Variants in HTN3 observed in about 807,000 individuals in gnomAD.
HTN3 encodes the protein histatin 3.
A neutral mutation model predicts 10.6 loss-of-function variants in HTN3; 15 were observed. The observed-to-expected ratio is 1.42, with a 90% CI of 0.95 to 2.18. HTN3 has a LOEUF of 2.18. HTN3 is among the 30% of genes most tolerant of loss of function. The pLI is 0.00. For synonymous variants in HTN3, 15 were observed against 16.9 expected (o/e 0.89, Z 0.27); for missense variants, 68 against 58.0 (o/e 1.17, Z -0.56).
chr4:70,035,767 AAG>A (rs1186764396), intron 5 of HTN3, among the ~76,000 whole-genome samples: 1 of 152,224 alleles, frequency 6.6e-6, no homozygotes, highest in Non-Finnish European at 1.5e-5. Context: ...TTGGAGATAA[AAG>A]AGTACTGTTC....
In HTN3 at chr4:70,032,077, G is replaced by A. The variant is rs777827633; in HGVS notation, c.73-1G>A. 20 of 1,532,712 alleles carry A rather than the reference G, an allele frequency of 1.3e-5. No homozygotes were observed. Among genetic ancestry groups the A allele is most frequent in the Middle Eastern group, 2.2e-4 (1 of 4,454 alleles). 94.9% of individuals were successfully genotyped at this position (1,532,712 alleles called of 1,614,324 possible). On this transcript the variant is annotated splice_acceptor_variant, in intron 3 of 5. Coordinates refer to ENST00000673563, the MANE Select transcript of HTN3 (RefSeq NM_000200.3). LOFTEE classifies it high-confidence loss of function. ...TTTAATCTTTTCTTTTTATTTCATA[G>A]AGACATCATGGGTATAAAAGAAAAT...
chr4:70,034,722 G>A (rs1725469841), intron 5 of HTN3, among the ~76,000 whole-genome samples: 1 of 152,064 alleles, frequency 6.6e-6, no homozygotes, highest in African/African-American at 2.4e-5. Context: ...AGAATATAAA[G>A]CATTCTACTA....
intron 1 of HTN3, among the ~76,000 whole-genome samples, chr4:70,028,932 G>A (rs3775763): frequency 0.5 from 75,529 of 151,590 alleles, 19,996 homozygotes; most frequent in East Asian, 0.64. Context: ...CCTCTTAGTC[G>A]TAAACTATTT....
chr4:70,032,793 AC>A (rs1459464944), intron 4 of HTN3, among the ~76,000 whole-genome samples: 3 of 152,010 alleles, frequency 2.0e-5, no homozygotes, highest in African/African-American at 7.2e-5. Flanking sequence ...ATGAAGAAAC[AC>A]CACCTAAGTT....
intron 5 of HTN3, among the ~76,000 whole-genome samples, chr4:70,035,296 G>A (rs1725486921): frequency 6.6e-6 from 1 of 152,132 alleles, no homozygotes; most frequent in Non-Finnish European, 1.5e-5. Context: ...TGACCTTAAA[G>A]TATTCCTAAT....
At chr4:70,030,938 A>G (rs529623367) in intron 2 of HTN3, 147 bp downstream of exon 2, 3 of 638,022 alleles carry the variant, frequency 4.7e-6, no homozygotes, top group East Asian at 6.0e-5. Flanking sequence ...ATTAACCTAT[A>G]TAAGTTCTTA....
chr4:70,035,698 A>G (rs1361824023), intron 5 of HTN3, among the ~76,000 whole-genome samples: 1 of 152,258 alleles, frequency 6.6e-6, no homozygotes, highest in Non-Finnish European at 1.5e-5. Flanking sequence ...TATTCACAGC[A>G]TAAAATGTTC....
At chr4:70,029,889 C>T (rs1367872485) in intron 1 of HTN3, among the ~76,000 whole-genome samples, 5 of 152,084 alleles carry the variant, frequency 3.3e-5, no homozygotes, top group Admixed American at 6.6e-5. Flanking sequence ...CTAACCAATA[C>T]CATTAATGTT....
At chr4:70,033,927 A>G (rs1261186806) in intron 5 of HTN3, 1 of 152,012 alleles carries the variant, frequency 6.6e-6, no homozygotes, top group Non-Finnish European at 1.5e-5. Context: ...CTGATCTACG[A>G]CAATCCTGAC....
chr4:70,031,611 A>G (rs1414477421), intron 2 of HTN3, among the ~76,000 whole-genome samples: 1 of 152,146 alleles, frequency 6.6e-6, no homozygotes, highest in African/African-American at 2.4e-5. Flanking sequence ...TCTATCAGCA[A>G]ATAAAATATT....
chr4:70,029,560 A>G (rs186057358), intron 1 of HTN3, among the ~76,000 whole-genome samples: 3 of 152,238 alleles, frequency 2.0e-5, no homozygotes, highest in Admixed American at 1.3e-4. Flanking sequence ...TTAAAATATT[A>G]TCTATTAATG....
At chr4:70,031,575 G>T (rs1429438855) in intron 2 of HTN3, among the ~76,000 whole-genome samples, 1 of 151,978 alleles carries the variant, frequency 6.6e-6, no homozygotes, top group Non-Finnish European at 1.5e-5. Flanking sequence ...CATATAAGAA[G>T]AACAGAGAAA....
chr4:70,033,167 G>C lies in HTN3; in HGVS notation c.103G>C (p.Glu35Gln). The C allele has an allele frequency of 6.2e-7, 1 of 1,604,710 alleles. No homozygotes were observed. Among genetic ancestry groups the C allele is most frequent in the East Asian group, 2.2e-5 (1 of 44,686 alleles). The change falls in exon 5 of 6, where the codon GAA becomes CAA. Residue 35 changes from glutamate to glutamine, a missense_variant and splice_region_variant. Transcript: ENST00000673563. ...GCTCTCTCCTTTTGTGTGTATGCAG[G>C]AAAAGCATCATTCACATCGAGGCTA... is the stretch of plus-strand genomic sequence containing the variant. ...RHHGYKRKFH[E>Q]KHHSHRGYRS...
At chr4:70,035,150 G>A (rs572577656) in intron 5 of HTN3, among the ~76,000 whole-genome samples, 2 of 152,070 alleles carry the variant, frequency 1.3e-5, no homozygotes, top group Admixed American at 1.3e-4. Context: ...ATGTATCCCT[G>A]AACTTAAATT....
intron 4 of HTN3, 151 bp downstream of exon 4, chr4:70,032,258 A>T (rs1725399277): frequency 1.6e-6 from 1 of 636,764 alleles, no homozygotes; most frequent in South Asian, 2.0e-5. Flanking sequence ...TTACAGAGGT[A>T]AAAGGTCACA....
At chr4:70,030,830 T>G in intron 2 of HTN3, 39 bp downstream of exon 2, 1 of 1,446,680 alleles carries the variant, frequency 6.9e-7, no homozygotes. Context: ...ACATTCTCAG[T>G]ACTTATCCCA....
At position 70,035,231 on chromosome 4, in the gene HTN3, A is replaced by G. The variant is rs550062059; in HGVS notation, c.*34-1036A>G. On this transcript the variant is annotated intron_variant, in intron 5 of 5. Transcript: ENST00000673563. ...TCTGTTTGCTACTGTTAAGAGACAG[A>G]GTTCTGGGTAGGGGAACCCCTGTGT... 2.0e-5 allele frequency among the ~76,000 whole-genome samples: 3 copies of G among 152,334 alleles called. No individual in the cohort carries two copies. In the South Asian group the frequency reaches 6.2e-4, roughly 32 times the overall value.
chr4:70,033,054 G>A (rs1003392332), intron 4 of HTN3, 113 bp from the exon 5 acceptor site: 73 of 710,598 alleles, frequency 1.0e-4, no homozygotes, highest in Admixed American at 7.4e-4. Flanking sequence ...GATAACACAC[G>A]AGGTCATAAC....
intron 5 of HTN3, among the ~76,000 whole-genome samples, chr4:70,035,150 G>T (rs572577656): frequency 1.3e-4 from 20 of 152,188 alleles, no homozygotes; most frequent in Non-Finnish European, 2.4e-4. Context: ...ATGTATCCCT[G>T]AACTTAAATT....
Sources: gnomAD v4.1 joint callset for allele counts (sites outside exome capture counted in the v4.1 genomes callset) on GRCh38, gnomAD v4.1.1 for gene constraint, MANE v1.5 for transcripts, NCBI Gene and HGNC (gene_info 2026-07-23, HGNC 2026-07-21) for gene names.